SMARCA2: variants seen among roughly 807,000 people sequenced by gnomAD.
SMARCA2 encodes the protein SWI/SNF related BAF chromatin remodeling complex subunit ATPase 2, also known as SWI/SNF-related matrix-associated actin-dependent regulator of chromatin subfamily A member 2.
A neutral mutation model predicts 199.8 loss-of-function variants in SMARCA2; 61 were observed. That is an observed-to-expected ratio of 0.31 (90% CI 0.25 to 0.38). The LOEUF is 0.38. SMARCA2 is among the 10% of genes least tolerant of loss of function. The pLI, the probability that SMARCA2 is intolerant of heterozygous loss-of-function variation, is 1.00. For missense variants in SMARCA2, 1,344 were observed against 2,012.2 expected (o/e 0.67, Z 6.35); for synonymous variants, 935 against 732.0 (o/e 1.28, Z -4.48).
At chr9:2,131,880 A>C (rs1489774730) in intron 27 of SMARCA2, among the ~76,000 whole-genome samples, 1 of 150,780 alleles carries the variant, frequency 6.6e-6, no homozygotes, top group Non-Finnish European at 1.5e-5. Context: ...TGGAGCCCGC[A>C]GTGAGCCAAG....
chr9:2,097,338 G>T lies in SMARCA2; in HGVS notation c.2992-47G>T. The T allele has an allele frequency of 2.4e-6, 3 of 1,230,142 alleles. No homozygotes were observed. The South Asian group carries it at 3.7e-5, about 15-fold the overall frequency. The allele number at this position is 1,230,142 out of a possible 1,614,324, so 76.2% of individuals were successfully genotyped here. On this transcript the variant is annotated intron_variant, in intron 20 of 33. Transcript: ENST00000349721. ...CCAGTGTGAAGGATCTGAAATGTCT[G>T]ACCAGTTAATAATTAATTCTATTTT... is the stretch of plus-strand genomic sequence containing the variant.
chr9:2,027,235 A>C (rs757842251), intron 1 of SMARCA2, among the ~76,000 whole-genome samples: 1 of 152,096 alleles, frequency 6.6e-6, no homozygotes, highest in African/African-American at 2.4e-5. Context: ...TGAGGCCAGG[A>C]GTTCAAGACC....
intron 33 of SMARCA2, chr9:2,192,336 A>AT (rs1827941750): frequency 4.1e-6 from 1 of 245,462 alleles, no homozygotes; most frequent in African/African-American, 2.3e-5. Flanking sequence ...TGATGCAAGC[A>AT]TTTTCAAATA....
chr9:2,050,270 T>C (rs1230137609), intron 5 of SMARCA2, among the ~76,000 whole-genome samples: 1 of 152,212 alleles, frequency 6.6e-6, no homozygotes, highest in Non-Finnish European at 1.5e-5. Flanking sequence ...TCTCTTATAA[T>C]GGAACTTTAT....
In SMARCA2 at chr9:2,047,285, C is replaced by A; in HGVS notation, c.847C>A (p.Pro283Thr). Residue 283 changes from proline to threonine, a missense_variant, in exon 5 of 34, where the codon CCC becomes ACC. Physicochemically the swap from Pro to Thr is conservative, Grantham distance 38. Around this residue, in one of 18 missense-constraint regions of SMARCA2, gnomAD observed 117 missense variants for 99.1 expected, o/e 1.18. Coordinates refer to ENST00000349721, the MANE Select transcript of SMARCA2 (RefSeq NM_003070.5). The stretch of plus-strand genomic sequence containing the variant: ...CCCGCAGAAGCTGCCGGTGCCCGCG[C>A]CCGGCGGCCGGCCCTCGCCCGCGCC... ...STPQKLPVPAPGGRPSPAPPA... is the reference protein window; with the variant it reads ...STPQKLPVPATGGRPSPAPPA... 1.0e-6 allele frequency: 1 copy of A among 991,100 alleles called. No homozygotes were observed. The highest frequency in any genetic ancestry group is 1.2e-6 in the Non-Finnish European group (1 of 835,214). The allele number at this position is 991,100 out of a possible 1,614,324, so 61.4% of individuals were successfully genotyped here. A position where few individuals can be genotyped will look rare whatever the true frequency, so the allele number is the denominator to read the frequency against.
intron 5 of SMARCA2, among the ~76,000 whole-genome samples, chr9:2,051,272 G>A (rs1050547649): frequency 5.3e-5 from 8 of 152,100 alleles, no homozygotes; most frequent in Non-Finnish European, 1.0e-4. Flanking sequence ...CCTAGAGTTT[G>A]CGCTTTGTAC....
intron 9 of SMARCA2, among the ~76,000 whole-genome samples, chr9:2,069,418 G>T (rs1195935666): frequency 6.6e-6 from 1 of 151,724 alleles, no homozygotes; most frequent in Non-Finnish European, 1.5e-5. Flanking sequence ...AATTAGCCGG[G>T]CGTGGTGGCG....
intron 29 of SMARCA2, among the ~76,000 whole-genome samples, chr9:2,176,346 G>A (rs1296136831): frequency 6.6e-6 from 1 of 151,788 alleles, no homozygotes; most frequent in African/African-American, 2.4e-5. Flanking sequence ...TGAACATCTT[G>A]ATGATTATCT....
intron 4 of SMARCA2, chr9:2,043,583 T>G (rs1028411698): frequency 3.9e-5 from 6 of 152,238 alleles, no homozygotes; most frequent in Non-Finnish European, 5.9e-5. Flanking sequence ...ATGCTCAATT[T>G]AAATGTTTTA....
chr9:2,120,349 G>GGA (rs1823402612), intron 26 of SMARCA2, among the ~76,000 whole-genome samples: 1 of 152,076 alleles, frequency 6.6e-6, no homozygotes, highest in Non-Finnish European at 1.5e-5. Flanking sequence ...TAGGTGTACT[G>GGA]GAGATGCTTT....
At chr9:2,156,686 C>A (rs748263161) in intron 27 of SMARCA2, among the ~76,000 whole-genome samples, 1 of 152,140 alleles carries the variant, frequency 6.6e-6, no homozygotes, top group East Asian at 1.9e-4. Context: ...CTGCTTTGGC[C>A]TCCCAAAGTG....
rs180834981 is a variant in SMARCA2, at chr9:2,112,056, C to T, written c.3456+1639C>T. 8.5e-5 allele frequency among the ~76,000 whole-genome samples: 13 copies of T among 152,278 alleles called. No individual in the cohort carries two copies. The East Asian group carries it at 2.3e-3, about 27-fold the overall frequency. ...CATAAAAGTGTTTCATTCCAAGGCT[C>T]AGGTAGAATTCATATTGATGTGAGA... On this transcript the variant is annotated intron_variant, in intron 24 of 33. Coordinates refer to ENST00000349721, the MANE Select transcript of SMARCA2 (RefSeq NM_003070.5).
Position 2,039,767 on chromosome 9 carries a change from G to GCAGCAA in SMARCA2, c.662_663insACAGCA (p.Gln237_Gln238dup). ...CGTTGCCTGGCTTGCAGCAACAACA[G>GCAGCAA]CAGCAGCAACAGCAGCAGCAGCAGC... On this transcript the variant is annotated inframe_insertion, in exon 4 of 34. Transcript: ENST00000349721. The surrounding 1 kb of genome is among the most constrained non-coding windows in gnomAD (Gnocchi z 4.8). 1 of 1,608,392 alleles carries GCAGCAA rather than the reference G, an allele frequency of 6.2e-7. No individual in the cohort carries two copies. The highest frequency in any genetic ancestry group is 1.1e-5 in the South Asian group (1 of 90,642).
intron 3 of SMARCA2, among the ~76,000 whole-genome samples, chr9:2,036,850 G>T (rs1819356527): frequency 6.6e-6 from 1 of 152,016 alleles, no homozygotes; most frequent in Non-Finnish European, 1.5e-5. Flanking sequence ...ATGTTGCCTT[G>T]TTCATAGTTT....
chr9:2,079,387 C>G (rs1229421129), intron 14 of SMARCA2, among the ~76,000 whole-genome samples: 2 of 152,218 alleles, frequency 1.3e-5, no homozygotes, highest in African/African-American at 2.4e-5. Flanking sequence ...CGGGTCCTCT[C>G]TACTCTTAAC....
intron 27 of SMARCA2, among the ~76,000 whole-genome samples, chr9:2,144,107 C>G (rs1368874537): frequency 6.6e-6 from 1 of 152,038 alleles, no homozygotes; most frequent in Non-Finnish European, 1.5e-5. Flanking sequence ...AGGGGGCAGT[C>G]AATCATTAGA....
chr9:2,096,839 G>A, intron 20 of SMARCA2, 75 bp downstream of exon 20: 5 of 898,558 alleles, frequency 5.6e-6, no homozygotes, highest in South Asian at 1.3e-5. Flanking sequence ...AATATTCACA[G>A]GAAGCATCCC....
At chr9:2,178,365 A>C (rs1826773903) in intron 29 of SMARCA2, among the ~76,000 whole-genome samples, 1 of 152,188 alleles carries the variant, frequency 6.6e-6, no homozygotes. Flanking sequence ...ACAGGCCATC[A>C]GTGGTCTTGG....
At position 2,025,725 on chromosome 9, in the gene SMARCA2, C is replaced by A. The variant is rs918630651; in HGVS notation, c.-36-3262C>A. Among the ~76,000 whole-genome samples the A allele has an allele frequency of 5.3e-5, 8 of 152,304 alleles. No individual in the cohort carries two copies. The South Asian group carries it at 1.7e-3, about 32-fold the overall frequency. On this transcript the variant is annotated intron_variant, in intron 1 of 33. Transcript: ENST00000349721. ...GATGTGCTGCTTGAGACTAGCACCT[C>A]TTTCTAATTTATTTCCCCAGGTTTC...
Sources: gnomAD v4.1 joint callset for allele counts (sites outside exome capture counted in the v4.1 genomes callset) on GRCh38, gnomAD v4.1.1 for gene constraint, gnomAD v4.1.1 regional missense constraint, Gnocchi (gnomAD v3.1) non-coding constraint, MANE v1.5 for transcripts, NCBI Gene and HGNC (gene_info 2026-07-23, HGNC 2026-07-21) for gene names.